The following SMOX variants were observed in gnomAD, a reference collection of about 807,000 sequenced individuals.
SMOX encodes flavin containing amine oxidase.
SMOX carries 22 observed loss-of-function variants against 51.0 expected under a neutral mutation model. The observed-to-expected ratio is 0.43, with a 90% CI of 0.31 to 0.62. The LOEUF (loss-of-function observed/expected upper bound fraction) is 0.62, where lower values mean the gene tolerates loss of function less well. Among genes scored for constraint, SMOX ranks in the 20% least tolerant of loss-of-function variants. The probability of loss-of-function intolerance (pLI) is 0.10; values close to 1 mark genes in which losing one functional copy is unlikely to be tolerated. For missense variants in SMOX, 566 were observed against 777.7 expected (o/e 0.73, Z 3.24); for synonymous variants, 282 against 307.8 (o/e 0.92, Z 0.88).
Position 4,177,203 on chromosome 20 carries a change from T to A in SMOX, c.209-148T>A. ...CAGTGGGAACTTTTCACTGAGGACC[T>A]TCGTTGGTTGCCAGCAGTGGAAGTT... On this transcript the variant is annotated intron_variant, in intron 2 of 6. Coordinates refer to ENST00000305958, the MANE Select transcript of SMOX (RefSeq NM_175839.3). This position sits in a 1 kb window ranked among gnomAD's most constrained non-coding sequence, Gnocchi z 4.3. 1.4e-6 allele frequency: 1 copy of A among 692,952 alleles called. No homozygotes were observed. The highest frequency in any genetic ancestry group is 2.4e-6 in the Non-Finnish European group (1 of 414,610). The allele number at this position is 692,952 out of a possible 1,614,324, so 42.9% of individuals were successfully genotyped here. A position where few individuals can be genotyped will look rare whatever the true frequency, so the allele number is the denominator to read the frequency against.
At position 4,177,284 on chromosome 20, in the gene SMOX, G is replaced by A; in HGVS notation, c.209-67G>A. On this transcript the variant is annotated intron_variant, in intron 2 of 6. Coordinates refer to ENST00000305958, the MANE Select transcript of SMOX (RefSeq NM_175839.3). The surrounding 1 kb of genome is among the most constrained non-coding windows in gnomAD (Gnocchi z 4.3). ...AAAGACCCTCTTGGAGGAAGGAGGG[G>A]GAAGCAGTGCTGGCCCTCTCTGGAG... 1 of 1,359,424 alleles carries A rather than the reference G, an allele frequency of 7.4e-7. No individual in the cohort carries two copies. Among genetic ancestry groups the A allele is most frequent in the Non-Finnish European group, 1.0e-6 (1 of 980,288 alleles). 84.2% of individuals were successfully genotyped at this position (1,359,424 alleles called of 1,614,324 possible).
At chr20:4,175,914 GAT>G (rs1978804266) in intron 2 of SMOX, 2 of 120,396 alleles carry the variant, frequency 1.7e-5, no homozygotes, top group African/African-American at 6.0e-5. Flanking sequence ...GTGGGGGGGG[GAT>G]GGTTTCTGAC....
intron 1 of SMOX, among the ~76,000 whole-genome samples, chr20:4,161,059 G>C (rs993756696): frequency 2.2e-4 from 33 of 152,368 alleles, no homozygotes; most frequent in African/African-American, 7.9e-4. Context: ...TTTTGAAAGA[G>C]TCAGCGGAAA....
At chr20:4,174,974 G>T (rs1978715232) in intron 1 of SMOX, 56 bp from the exon 2 acceptor site, 11 of 1,546,694 alleles carry the variant, frequency 7.1e-6, no homozygotes, top group Non-Finnish European at 9.8e-6. Context: ...TGTCCCTTGG[G>T]GCAGGTGGGA....
intron 3 of SMOX, among the ~76,000 whole-genome samples, chr20:4,178,885 G>A (rs781703466): frequency 5.9e-5 from 9 of 152,072 alleles, no homozygotes; most frequent in African/African-American, 2.2e-4. Context: ...GTTTTACCAC[G>A]TTGGTCAGGC....
intron 6 of SMOX, among the ~76,000 whole-genome samples, chr20:4,184,254 C>G (rs918257379): frequency 3.3e-5 from 5 of 151,860 alleles, no homozygotes; most frequent in African/African-American, 1.2e-4. Context: ...CCTCAACCTC[C>G]TGAAGTGCTA....
At chr20:4,160,842 C>G (rs1986276061) in intron 1 of SMOX, among the ~76,000 whole-genome samples, 1 of 152,140 alleles carries the variant, frequency 6.6e-6, no homozygotes, top group Non-Finnish European at 1.5e-5. Flanking sequence ...CTGGGGCTGT[C>G]GTGTCTCTTT....
Position 4,183,790 on chromosome 20 carries a change from T to A in SMOX, c.1530+136T>A. The A allele has an allele frequency of 1.0e-6, 1 of 989,476 alleles. No homozygotes were observed. Among genetic ancestry groups the A allele is most frequent in the Non-Finnish European group, 1.4e-6 (1 of 723,730 alleles). The allele number at this position is 989,476 out of a possible 1,614,324, so 61.3% of individuals were successfully genotyped here. ...GGCAGGGATGGAGTAGCTTCTGTAATGAGAGAGAACACAAGGAAAAAAGTG... is the reference window on the plus strand; with the variant it reads ...GGCAGGGATGGAGTAGCTTCTGTAAAGAGAGAGAACACAAGGAAAAAAGTG... On this transcript the variant is annotated intron_variant, in intron 6 of 6. Transcript: ENST00000305958. The surrounding 1 kb of genome is among the most constrained non-coding windows in gnomAD (Gnocchi z 4.3).
Position 4,181,790 on chromosome 20 carries a change from G to A in SMOX, c.436-13G>A, listed in dbSNP as rs1979342524. The A allele has an allele frequency of 2.5e-6, 4 of 1,612,576 alleles. No individual in the cohort carries two copies. In the South Asian group the frequency reaches 4.4e-5, roughly 18 times the overall value. On this transcript the variant is annotated splice_polypyrimidine_tract_variant and intron_variant, in intron 3 of 6. Transcript: ENST00000305958. The surrounding 1 kb of genome is among the most constrained non-coding windows in gnomAD (Gnocchi z 5.6). ...GATGAGGTGTTTTCAGTCTCATGGG[G>A]TCTCTCTGGCAGGTCTATAACTTGA... is the stretch of plus-strand genomic sequence containing the variant.
chr20:4,159,825 G>A (rs923186607), intron 1 of SMOX, among the ~76,000 whole-genome samples: 36 of 152,230 alleles, frequency 2.4e-4, no homozygotes, highest in African/African-American at 8.7e-4. Flanking sequence ...AACCCCAGTG[G>A]CTTTTGAGAC....
intron 1 of SMOX, among the ~76,000 whole-genome samples, chr20:4,156,342 GT>G (rs1325802627): frequency 2.0e-5 from 3 of 152,192 alleles, no homozygotes; most frequent in Non-Finnish European, 4.4e-5. Flanking sequence ...GGACTTCCTG[GT>G]AGAGGTAGAC....
intron 1 of SMOX, among the ~76,000 whole-genome samples, chr20:4,154,269 TCAAACTTGAATGCA>T (rs1363502628): frequency 6.6e-6 from 1 of 152,192 alleles, no homozygotes; most frequent in Non-Finnish European, 1.5e-5. Context: ...AAAGTGCTTT[TCAAACTTGAATGCA>T]CATAGATCAC....
At position 4,187,011 on chromosome 20, in the gene SMOX, G is replaced by A. The variant is rs1415732638; in HGVS notation, c.1531-259G>A. On this transcript the variant is annotated intron_variant, in intron 6 of 6. Coordinates refer to ENST00000305958, the MANE Select transcript of SMOX (RefSeq NM_175839.3). This position sits in a 1 kb window ranked among gnomAD's most constrained non-coding sequence, Gnocchi z 4.8. Reference sequence around the variant, plus strand: ...TAAACCACCTGCCTCAAGTTGACAAGTAAGAGGCACAAAGAGCCTTTGAGA... The same window carrying A: ...TAAACCACCTGCCTCAAGTTGACAAATAAGAGGCACAAAGAGCCTTTGAGA... Among the ~76,000 whole-genome samples, 1 of 152,218 alleles carries A rather than the reference G, an allele frequency of 6.6e-6. No homozygotes were observed. The highest frequency in any genetic ancestry group is 1.5e-5 in the Non-Finnish European group (1 of 68,042).
chr20:4,162,518 C>T (rs1986384821), intron 1 of SMOX, among the ~76,000 whole-genome samples: 1 of 152,218 alleles, frequency 6.6e-6, no homozygotes. Flanking sequence ...TTAGGTCTTC[C>T]TTCCCATTGT....
chr20:4,169,882 G>A (rs1333540316), intron 1 of SMOX, among the ~76,000 whole-genome samples: 10 of 152,132 alleles, frequency 6.6e-5, no homozygotes, highest in Non-Finnish European at 4.4e-5. Context: ...TCAGGTGGGC[G>A]GGGCTGGGGA....
intron 1 of SMOX, among the ~76,000 whole-genome samples, chr20:4,171,538 G>T (rs577127210): frequency 5.3e-5 from 8 of 152,310 alleles, no homozygotes; most frequent in Non-Finnish European, 1.0e-4. Flanking sequence ...AGGCATTGGG[G>T]ATTGACAGGC....
chr20:4,174,591 G>A (rs979863938), intron 1 of SMOX, among the ~76,000 whole-genome samples: 3 of 152,144 alleles, frequency 2.0e-5, no homozygotes, highest in Admixed American at 2.0e-4. Flanking sequence ...CCAAGCTCCA[G>A]TCTCTCCTGA....
rs1373806653 is a variant in SMOX, at chr20:4,166,357, C to CT, written c.-26-8665dup. On this transcript the variant is annotated intron_variant, in intron 1 of 6. Coordinates refer to ENST00000305958, the MANE Select transcript of SMOX (RefSeq NM_175839.3). The surrounding 1 kb of genome is among the most constrained non-coding windows in gnomAD (Gnocchi z 4.2). The stretch of plus-strand genomic sequence containing the variant: ...AAAGACCCTGCCCTTTGTCTGACTT[C>CT]TTTTTTTTGAGACAAGGTCTTGCTC... Among the ~76,000 whole-genome samples the CT allele has an allele frequency of 1.3e-5, 2 of 152,004 alleles. No homozygotes were observed. Among genetic ancestry groups the CT allele is most frequent in the African/African-American group, 2.4e-5 (1 of 41,470 alleles).
chr20:4,161,041 G>A (rs571558582), intron 1 of SMOX, among the ~76,000 whole-genome samples: 2 of 152,336 alleles, frequency 1.3e-5, no homozygotes, highest in East Asian at 1.9e-4. Context: ...CTCAGTTCTT[G>A]TAAGTGGTTT....
Sources: allele counts gnomAD v4.1 joint callset (sites outside exome capture counted in the v4.1 genomes callset), GRCh38; gene constraint gnomAD v4.1.1; non-coding constraint Gnocchi (gnomAD v3.1); transcripts MANE v1.5; gene names NCBI Gene and HGNC (gene_info 2026-07-23, HGNC 2026-07-21).